The following RNF34 variants were observed in gnomAD, a reference collection of about 807,000 sequenced individuals.
RNF34 encodes ring finger protein 34.
RNF34 carries 12 observed loss-of-function variants against 37.9 expected under a neutral mutation model. The ratio of observed to expected loss-of-function variants is 0.32; its 90% CI spans 0.20 to 0.51. The LOEUF (loss-of-function observed/expected upper bound fraction) is 0.51. RNF34 is among the 20% of genes least tolerant of loss of function. The probability of loss-of-function intolerance (pLI) is 0.97; values close to 1 mark genes in which losing one functional copy is unlikely to be tolerated. For missense variants in RNF34, 362 were observed against 472.7 expected (o/e 0.77, Z 2.17); for synonymous variants, 155 against 177.2 (o/e 0.87, Z 1.00).
At chr12:121,415,663 G>A (rs1299521990) in intron 1 of RNF34, among the ~76,000 whole-genome samples, 1 of 151,990 alleles carries the variant, frequency 6.6e-6, no homozygotes, top group African/African-American at 2.4e-5. Context: ...TGTTATTTCT[G>A]TTAAATAATA....
At chr12:121,420,047 T>A (rs1871976052) in intron 3 of RNF34, 195 bp from the exon 4 acceptor site, 1 of 507,720 alleles carries the variant, frequency 2.0e-6, no homozygotes, top group Non-Finnish European at 3.6e-6. Flanking sequence ...TGTTTTGAGC[T>A]AACTTTATGG....
Position 121,423,672 on chromosome 12 carries a change from C to T in RNF34, c.*96C>T, listed in dbSNP as rs1218011238. 2 of 1,063,974 alleles carry T rather than the reference C, an allele frequency of 1.9e-6. No individual in the cohort carries two copies. The highest frequency in any genetic ancestry group is 5.2e-5 in the East Asian group (2 of 38,294). 65.9% of individuals were successfully genotyped at this position (1,063,974 alleles called of 1,614,324 possible). On this transcript the variant is annotated 3_prime_UTR_variant, in exon 6 of 6. Transcript: ENST00000361234. The surrounding 1 kb of genome is among the most constrained non-coding windows in gnomAD (Gnocchi z 4.3). ...GGAAAGTTATGTTCAAAGGCTGAAG[C>T]TATTTTAAAACATTATTTTGACTAC...
chr12:121,422,660 C>T (rs1872267536), intron 5 of RNF34, among the ~76,000 whole-genome samples: 1 of 152,220 alleles, frequency 6.6e-6, no homozygotes, highest in Non-Finnish European at 1.5e-5. Flanking sequence ...CCTTTGATCT[C>T]CTCTGACCTG....
chr12:121,403,234 A>C (rs1305753235), intron 1 of RNF34, among the ~76,000 whole-genome samples: 1 of 152,064 alleles, frequency 6.6e-6, no homozygotes, highest in Non-Finnish European at 1.5e-5. Context: ...GTCTCTACTA[A>C]AAATACAAAA....
intron 1 of RNF34, chr12:121,409,741 A>C (rs1399794352): frequency 6.6e-6 from 1 of 152,254 alleles, no homozygotes; most frequent in Admixed American, 6.5e-5. Context: ...AACCCTAGGC[A>C]ATTCCTTAGC....
At chr12:121,422,874 G>C (rs1872285273) in intron 5 of RNF34, among the ~76,000 whole-genome samples, 1 of 152,078 alleles carries the variant, frequency 6.6e-6, no homozygotes, top group Non-Finnish European at 1.5e-5. Flanking sequence ...TGATTCTAAG[G>C]CTAGGGAGGG....
chr12:121,423,259 C>G lies in RNF34; in HGVS notation c.929-127C>G. 1 of 632,306 alleles carries G rather than the reference C, an allele frequency of 1.6e-6. No individual in the cohort carries two copies. The highest frequency in any genetic ancestry group is 2.7e-6 in the Non-Finnish European group (1 of 368,628). 39.2% of individuals were successfully genotyped at this position (632,306 alleles called of 1,614,324 possible). On this transcript the variant is annotated intron_variant, in intron 5 of 5. Transcript: ENST00000361234. This position sits in a 1 kb window ranked among gnomAD's most constrained non-coding sequence, Gnocchi z 4.3. The stretch of plus-strand genomic sequence containing the variant: ...AGAGAAGTTGGGATTATTTCTTGTA[C>G]AACACTGGGGTGGCATTGGGCCTGC...
chr12:121,410,414 G>A (rs1870944052), intron 1 of RNF34, among the ~76,000 whole-genome samples: 1 of 151,964 alleles, frequency 6.6e-6, no homozygotes, highest in Non-Finnish European at 1.5e-5. Context: ...GTGGGTGCCT[G>A]TAATCCCGGC....
At position 121,418,013 on chromosome 12, in the gene RNF34, CAT is replaced by C. The variant is rs143025348; in HGVS notation, c.633+103_633+104del. 1.3e-4 allele frequency: 160 copies of C among 1,257,462 alleles called. No individual in the cohort carries two copies. In the African/African-American group the frequency reaches 2.1e-3, roughly 17 times the overall value. 77.9% of individuals were successfully genotyped at this position (1,257,462 alleles called of 1,614,324 possible). A position where few individuals can be genotyped will look rare whatever the true frequency, so the allele number is the denominator to read the frequency against. On this transcript the variant is annotated intron_variant, in intron 3 of 5. Transcript: ENST00000361234. ...TGATGACTTCTGATAAACTTCAAGT[CAT>C]GTGCTGGAGTGAAGCTTCCACACCC...
intron 1 of RNF34, chr12:121,402,603 C>A: frequency 1.9e-6 from 1 of 516,126 alleles, no homozygotes; most frequent in Admixed American, 3.3e-5. Context: ...TTGATTTAAT[C>A]CTCTTTCCCA....
At position 121,423,548 on chromosome 12, in the gene RNF34, T is replaced by G. The variant is rs1316561092; in HGVS notation, c.1091T>G (p.Val364Gly). The G allele has an allele frequency of 6.2e-7, 1 of 1,614,118 alleles. No homozygotes were observed. Among genetic ancestry groups the G allele is most frequent in the Non-Finnish European group, 8.5e-7 (1 of 1,179,972 alleles). ...SECPICRQYV[V>G]RAVHVFKS ...TGTCCCATCTGCCGGCAGTATGTGG[T>G]GCGAGCCGTGCACGTGTTCAAGTCC... Residue 364 changes from valine to glycine, a missense_variant, in exon 6 of 6, where the codon GTG (valine) becomes GGG (glycine). By Grantham distance (109) the Val-to-Gly change is moderately radical (BLOSUM62 -3). Transcript: ENST00000361234. This position sits in a 1 kb window ranked among gnomAD's most constrained non-coding sequence, Gnocchi z 4.3.
At chr12:121,408,206 T>C (rs11831204) in intron 1 of RNF34, among the ~76,000 whole-genome samples, 29,057 of 152,074 alleles carry the variant, frequency 0.19, 4,288 homozygotes, top group African/African-American at 0.41. Flanking sequence ...TTTGGGAGGC[T>C]GAGGCAGGCA....
intron 1 of RNF34, among the ~76,000 whole-genome samples, chr12:121,402,357 A>C (rs1295513610): frequency 6.6e-6 from 1 of 152,228 alleles, no homozygotes; most frequent in Admixed American, 6.5e-5. Flanking sequence ...AATTATATGG[A>C]TAAGTACATG....
intron 1 of RNF34, among the ~76,000 whole-genome samples, chr12:121,415,548 G>A (rs1451183490): frequency 6.6e-6 from 1 of 152,098 alleles, no homozygotes; most frequent in Non-Finnish European, 1.5e-5. Flanking sequence ...CCCAGGAGGT[G>A]GAGGTTGCAG....
Position 121,424,021 on chromosome 12 carries a change from T to A in RNF34, c.*445T>A, listed in dbSNP as rs1224167389. The A allele has an allele frequency of 1.9e-5, 3 of 155,628 alleles. No individual in the cohort carries two copies. The highest frequency in any genetic ancestry group is 7.2e-5 in the African/African-American group (3 of 41,600). The allele number at this position is 155,628 out of a possible 1,614,324, so 9.6% of individuals were successfully genotyped here. On this transcript the variant is annotated 3_prime_UTR_variant, in exon 6 of 6. Coordinates refer to ENST00000361234, the MANE Select transcript of RNF34 (RefSeq NM_025126.4). ...CATGCTGAGCAGTGGCTCCTCTGAA[T>A]GTTCACTTTATTAGTCATGTATATT...
intron 3 of RNF34, chr12:121,420,000 G>A (rs781963154): frequency 2.7e-5 from 11 of 405,222 alleles, no homozygotes; most frequent in East Asian, 4.8e-5. Flanking sequence ...TAATACTCTG[G>A]TTAGATTTTA....
intron 1 of RNF34, among the ~76,000 whole-genome samples, chr12:121,404,385 ATCT>A (rs1313048223): frequency 2.0e-4 from 13 of 63,490 alleles, no homozygotes; most frequent in African/African-American, 7.1e-4. Flanking sequence ...CTGTCATTTA[ATCT>A]TTTTTTTTTT....
In RNF34 at chr12:121,417,769, T is replaced by G. The variant is rs782486109; in HGVS notation, c.491T>G (p.Leu164Arg). 1.7e-5 allele frequency: 27 copies of G among 1,614,108 alleles called. No individual in the cohort carries two copies. The highest frequency in any genetic ancestry group is 3.4e-6 in the Non-Finnish European group (4 of 1,180,048). Reference protein sequence around the residue: ...GSEDDMDTSSLNSSRSQTSSF... With the variant: ...GSEDDMDTSSRNSSRSQTSSF... ...GAGGACGACATGGACACAAGCAGTC[T>G]GAATTCTTCAAGGTCCCAGACTTCT... The change falls in exon 3 of 6, where the codon CTG (leucine) becomes CGG (arginine). Residue 164 changes from leucine to arginine, a missense_variant. Coordinates refer to ENST00000361234, the MANE Select transcript of RNF34 (RefSeq NM_025126.4). The surrounding 1 kb of genome is among the most constrained non-coding windows in gnomAD (Gnocchi z 5.0).
intron 1 of RNF34, among the ~76,000 whole-genome samples, chr12:121,402,447 G>GT (rs1308203690): frequency 1.3e-5 from 2 of 151,982 alleles, no homozygotes; most frequent in Non-Finnish European, 2.9e-5. Context: ...TTTTGGTTTG[G>GT]TTTGGTTTGG....
Sources: allele counts gnomAD v4.1 joint callset (sites outside exome capture counted in the v4.1 genomes callset), GRCh38; gene constraint gnomAD v4.1.1; non-coding constraint Gnocchi (gnomAD v3.1); transcripts MANE v1.5; gene names NCBI Gene and HGNC (gene_info 2026-07-23, HGNC 2026-07-21).